IL21R: variants seen among roughly 807,000 people sequenced by gnomAD.
The protein encoded by IL21R is interleukin-21 receptor.
IL21R carries 14 observed loss-of-function variants against 41.3 expected under a neutral mutation model. The observed-to-expected ratio is 0.34, with a 90% CI of 0.22 to 0.53. IL21R has a LOEUF of 0.53. IL21R is among the 20% of genes least tolerant of loss of function. The pLI is 0.94. For synonymous variants in IL21R, 286 were observed against 287.6 expected (o/e 0.99, Z 0.05); for missense variants, 588 against 681.6 (o/e 0.86, Z 1.53).
intron 1 of IL21R, among the ~76,000 whole-genome samples, chr16:27,412,035 C>T (rs1177518358): frequency 2.0e-5 from 3 of 152,138 alleles, no homozygotes; most frequent in Admixed American, 6.5e-5. Context: ...GAAGATTTTC[C>T]CATATGTTTT....
chr16:27,425,712 C>G (rs546788224), intron 1 of IL21R, among the ~76,000 whole-genome samples: 4 of 152,060 alleles, frequency 2.6e-5, no homozygotes, highest in Non-Finnish European at 5.9e-5. Context: ...CACACCATCA[C>G]ACCCGGCTAA....
At chr16:27,403,674 G>A (rs2086696543) in intron 1 of IL21R, among the ~76,000 whole-genome samples, 1 of 152,202 alleles carries the variant, frequency 6.6e-6, no homozygotes, top group African/African-American at 2.4e-5. Flanking sequence ...GGTGAAAGCT[G>A]TGCTCCTAAT....
At chr16:27,435,212 G>A (rs766237986) in intron 3 of IL21R, among the ~76,000 whole-genome samples, 12 of 151,996 alleles carry the variant, frequency 7.9e-5, no homozygotes, top group Non-Finnish European at 1.3e-4. Flanking sequence ...CTATGATCAC[G>A]CCACTGCACT....
chr16:27,418,405 A>G (rs1042229445), intron 1 of IL21R, among the ~76,000 whole-genome samples: 5 of 150,124 alleles, frequency 3.3e-5, no homozygotes, highest in Non-Finnish European at 1.5e-5. Flanking sequence ...GTCTCACTCT[A>G]TCACCCAGGC....
Position 27,442,973 on chromosome 16 carries a change from C to A in IL21R, c.364C>A (p.Pro122Thr). 6.3e-7 allele frequency: 1 copy of A among 1,585,970 alleles called. No homozygotes were observed. The highest frequency in any genetic ancestry group is 8.6e-7 in the Non-Finnish European group (1 of 1,166,126). Residue 122 changes from proline to threonine, a missense_variant, in exon 5 of 9, where the codon CCC (proline) becomes ACC (threonine). By Grantham distance (38) the Pro-to-Thr change is conservative (BLOSUM62 -1). Coordinates refer to ENST00000337929, the MANE Select transcript of IL21R (RefSeq NM_181078.3). ...FLLAESIKPA[P>T]PFNVTVTFSG... ...GTTTTTCCACCAAGTCAAGCCGGCT[C>A]CCCCTTTCAACGTGACTGTGACCTT...
intron 1 of IL21R, among the ~76,000 whole-genome samples, chr16:27,417,124 C>T (rs1052592289): frequency 2.4e-4 from 37 of 151,130 alleles, no homozygotes; most frequent in African/African-American, 8.0e-4. Flanking sequence ...GACATATATC[C>T]GCAATTGTTT....
intron 4 of IL21R, among the ~76,000 whole-genome samples, chr16:27,439,379 C>A (rs1041062081): frequency 1.5e-4 from 23 of 150,198 alleles, no homozygotes; most frequent in African/African-American, 3.8e-4. Flanking sequence ...CACACACACA[C>A]ACACGTACAC....
Position 27,418,047 on chromosome 16 carries a change from TTTATTTTATTTTATTTTATTTATG to T in IL21R, c.-16-11992_-16-11969del, listed in dbSNP as rs1345074541. ...TTTATTTTATTTTATTTTATTTTAT[TTTATTTTATTTTATTTTATTTATG>T]TTATTTTATTTTATTTAAGACGGAG... On this transcript the variant is annotated intron_variant, in intron 1 of 8. Coordinates refer to ENST00000337929, the MANE Select transcript of IL21R (RefSeq NM_181078.3). Among the ~76,000 whole-genome samples the T allele has an allele frequency of 4.5e-5, 4 of 88,708 alleles. 1 individual carries two copies. Among genetic ancestry groups the T allele is most frequent in the Admixed American group, 2.5e-4 (2 of 8,106 alleles). 58.2% of individuals were successfully genotyped at this position (88,708 alleles called of 152,430 possible). A position where few individuals can be genotyped will look rare whatever the true frequency, so the allele number is the denominator to read the frequency against.
rs60418304 is a variant in IL21R at position 27,440,222 on chromosome 16, A to AATATATATATAT, written c.352+2551_352+2562dup. Among the ~76,000 whole-genome samples the AATATATATATAT allele has an allele frequency of 6.1e-3, 463 of 75,732 alleles. 8 individuals carry two copies. The highest frequency in any genetic ancestry group is 8.0e-3 in the Non-Finnish European group (346 of 43,058). The allele number at this position is 75,732 out of a possible 152,430, so 49.7% of individuals were successfully genotyped here. The stretch of plus-strand genomic sequence containing the variant: ...GCAAGGTTCATTAGTTAATCTGACA[A>AATATATATATAT]ATATATATATATATATATATATATA... On this transcript the variant is annotated intron_variant, in intron 4 of 8. Transcript: ENST00000337929.
chr16:27,418,637 T>C (rs1288633754), intron 1 of IL21R, among the ~76,000 whole-genome samples: 3 of 152,200 alleles, frequency 2.0e-5, no homozygotes, highest in African/African-American at 7.2e-5. Context: ...CCCAAAGTGC[T>C]GGGATTACAG....
intron 5 of IL21R, 144 bp downstream of exon 5, chr16:27,443,260 G>A (rs1192493967): frequency 1.2e-5 from 8 of 643,718 alleles, no homozygotes; most frequent in Admixed American, 6.8e-5. Flanking sequence ...CCCTTACAGC[G>A]GGCCCTCCTC....
chr16:27,425,050 C>T (rs1012176587), intron 1 of IL21R, among the ~76,000 whole-genome samples: 5 of 152,168 alleles, frequency 3.3e-5, no homozygotes, highest in South Asian at 2.1e-4. Flanking sequence ...ATGAGAAATC[C>T]GCCCCCATGA....
chr16:27,450,236 G>C lies in IL21R; in HGVS notation c.*953G>C. ...TTGGAAACAGCTCCCCACCAACCAA[G>C]ATTTCTTTTTCTAACTTCTGCTACT... On this transcript the variant is annotated 3_prime_UTR_variant, in exon 9 of 9. Transcript: ENST00000337929. The C allele has an allele frequency of 4.3e-6, 1 of 232,898 alleles. No individual in the cohort carries two copies. Among genetic ancestry groups the C allele is most frequent in the Non-Finnish European group, 8.5e-6 (1 of 117,812 alleles). The allele number at this position is 232,898 out of a possible 1,614,324, so 14.4% of individuals were successfully genotyped here. A position where few individuals can be genotyped will look rare whatever the true frequency, so the allele number is the denominator to read the frequency against.
chr16:27,418,571 C>T (rs551501981), intron 1 of IL21R, among the ~76,000 whole-genome samples: 249 of 152,064 alleles, frequency 1.6e-3, no homozygotes, highest in Admixed American at 3.7e-3. Context: ...GGGGTTTCAC[C>T]ATGTTAGCCA....
intron 1 of IL21R, among the ~76,000 whole-genome samples, chr16:27,405,308 T>A (rs567294425): frequency 3.3e-5 from 5 of 152,162 alleles, no homozygotes; most frequent in Admixed American, 3.3e-4. Context: ...GCTGGGATTA[T>A]AGACATGAGC....
chr16:27,446,472 G>A (rs2087480886), intron 8 of IL21R, among the ~76,000 whole-genome samples: 1 of 151,976 alleles, frequency 6.6e-6, no homozygotes, highest in Non-Finnish European at 1.5e-5. Context: ...GTGAGGTGGT[G>A]CACGCCTGTA....
In IL21R at chr16:27,449,051, G is replaced by A; in HGVS notation, c.1385G>A (p.Gly462Glu). The change falls in exon 9 of 9, where the codon GGA becomes GAA. Residue 462 changes from glycine to glutamate, a missense_variant. Transcript: ENST00000337929. ...GCAGATGGGGAGGACTGGGCTGGGG[G>A]ACTGCCCTGGGGTGGCCGGTCACCT... ...PLADGEDWAG[G>E]LPWGGRSPGG... The A allele has an allele frequency of 1.9e-6, 3 of 1,612,408 alleles. No homozygotes were observed. The highest frequency in any genetic ancestry group is 2.5e-6 in the Non-Finnish European group (3 of 1,179,570).
intron 1 of IL21R, among the ~76,000 whole-genome samples, chr16:27,408,210 G>T (rs1242833487): frequency 2.0e-5 from 3 of 152,216 alleles, no homozygotes; most frequent in Admixed American, 2.0e-4. Context: ...TCTTTGGAGA[G>T]GTCAAAGATT....
chr16:27,419,474 C>T (rs984100925), intron 1 of IL21R, among the ~76,000 whole-genome samples: 1 of 152,234 alleles, frequency 6.6e-6, no homozygotes. Flanking sequence ...GTCACCCAGG[C>T]TGGAGTGCAG....
Sources: allele counts gnomAD v4.1 joint callset (sites outside exome capture counted in the v4.1 genomes callset), GRCh38; gene constraint gnomAD v4.1.1; transcripts MANE v1.5; gene names NCBI Gene and HGNC (gene_info 2026-07-23, HGNC 2026-07-21).